The following GABRA1 variants were observed in gnomAD, a reference collection of about 807,000 sequenced individuals.
GABRA1 encodes gamma-aminobutyric acid receptor subunit alpha-1.
A neutral mutation model predicts 48.9 loss-of-function variants in GABRA1; 9 were observed. The observed-to-expected ratio is 0.18, with a 90% CI of 0.11 to 0.32. GABRA1 has a LOEUF of 0.32. GABRA1 is among the 10% of genes least tolerant of loss of function. The pLI is 1.00. For synonymous variants in GABRA1, 210 were observed against 198.7 expected, an observed-to-expected ratio of 1.06 and a Z score of -0.48; for missense variants, 285 against 553.8, an observed-to-expected ratio of 0.51 and a Z score of 4.87.
intron 9 of GABRA1, among the ~76,000 whole-genome samples, chr5:161,896,343 C>T (rs771795199): frequency 2.0e-5 from 3 of 152,142 alleles, no homozygotes; most frequent in Non-Finnish European, 4.4e-5. Context: ...TAGTTCTCTG[C>T]AAAGTCAAGG....
chr5:161,883,386 C>G (rs1754700715), intron 7 of GABRA1, among the ~76,000 whole-genome samples: 1 of 152,094 alleles, frequency 6.6e-6, no homozygotes, highest in Non-Finnish European at 1.5e-5. Context: ...AGAACTAGAC[C>G]TGACACTGTG....
Position 161,854,230 on chromosome 5 carries a change from C to A in GABRA1, c.147C>A (p.Leu49=), listed in dbSNP as rs2113307246. The change falls in exon 3 of 10, where the codon CTC becomes CTA. Residue 49 remains leucine (L), a synonymous_variant. Coordinates refer to ENST00000393943, the MANE Select transcript of GABRA1 (RefSeq NM_001127644.2). The part of the protein sequence containing the change: ...TTVFTRILDR[L]LDGYDNRLRP... ...TCTTCACCAGGATTTTGGACAGACT[C>A]CTAGATGGTTATGACAATCGCCTGA... 2 of 1,607,630 alleles carry A rather than the reference C, an allele frequency of 1.2e-6. No individual in the cohort carries two copies. The highest frequency in any genetic ancestry group is 1.7e-4 in the Middle Eastern group (1 of 6,052).
chr5:161,886,758 C>T (rs1332089088), intron 7 of GABRA1, among the ~76,000 whole-genome samples: 1 of 151,998 alleles, frequency 6.6e-6, no homozygotes, highest in Non-Finnish European at 1.5e-5. Flanking sequence ...ACCTGGGTGA[C>T]AGAGTGAGAC....
At position 161,850,864 on chromosome 5, in the gene GABRA1, G is replaced by C. The variant is rs753085546; in HGVS notation, c.54G>C (p.Leu18=). ...SDCLWAWILL[L]STLTGRSYGQ... Reference sequence around the variant, plus strand: ...GTCTTTGGGCCTGGATCCTCCTTCTGAGCACACTGACTGGAAGAAGGTGGG... The same window carrying C: ...GTCTTTGGGCCTGGATCCTCCTTCTCAGCACACTGACTGGAAGAAGGTGGG... The change falls in exon 2 of 10, where the codon CTG becomes CTC. Residue 18 remains leucine, a synonymous_variant. Transcript: ENST00000393943. 6.2e-7 allele frequency: 1 copy of C among 1,613,852 alleles called. No individual in the cohort carries two copies. Among genetic ancestry groups the C allele is most frequent in the Admixed American group, 1.7e-5 (1 of 60,012 alleles).
intron 7 of GABRA1, among the ~76,000 whole-genome samples, chr5:161,886,163 G>A (rs956367956): frequency 2.0e-5 from 3 of 152,072 alleles, no homozygotes; most frequent in African/African-American, 7.2e-5. Flanking sequence ...TTGAACCTGG[G>A]TTGTCAACCT....
In GABRA1 at chr5:161,873,108, A is replaced by T. The variant is rs1325544924; in HGVS notation, c.256-9A>T. On this transcript the variant is annotated splice_polypyrimidine_tract_variant and intron_variant, in intron 4 of 9. Transcript: ENST00000393943. Reference sequence around the variant, plus strand: ...AGTGAACTCTTCGTCATTTTCCAAAATTACCTAGGAATATACAATAGATGT... The same window carrying T: ...AGTGAACTCTTCGTCATTTTCCAAATTTACCTAGGAATATACAATAGATGT... 1 of 1,592,390 alleles carries T rather than the reference A, an allele frequency of 6.3e-7. No homozygotes were observed. The highest frequency in any genetic ancestry group is 8.6e-7 in the Non-Finnish European group (1 of 1,160,284).
chr5:161,879,728 C>T lies in GABRA1; in HGVS notation c.560-2830C>T, dbSNP rs184673036. Among the ~76,000 whole-genome samples the T allele has an allele frequency of 1.8e-3, 278 of 152,200 alleles. 1 individual carries two copies. Among genetic ancestry groups the T allele is most frequent in the African/African-American group, 6.3e-3 (261 of 41,548 alleles). The stretch of plus-strand genomic sequence containing the variant: ...AGACATGGATAATGAGTCATCTGCA[C>T]CTTCACAATGATGTCATGTTTGTAG... On this transcript the variant is annotated intron_variant, in intron 6 of 9. Transcript: ENST00000393943.
chr5:161,864,614 T>C (rs1757982923), intron 3 of GABRA1, among the ~76,000 whole-genome samples: 1 of 151,820 alleles, frequency 6.6e-6, no homozygotes, highest in South Asian at 2.1e-4. Context: ...TACCCTGGCA[T>C]ATAAATATTT....
chr5:161,854,603 C>G (rs1757576545), intron 3 of GABRA1, among the ~76,000 whole-genome samples: 1 of 151,592 alleles, frequency 6.6e-6, no homozygotes, highest in Non-Finnish European at 1.5e-5. Flanking sequence ...AGCTATCTCA[C>G]CTGGTACTGG....
intron 3 of GABRA1, among the ~76,000 whole-genome samples, chr5:161,859,940 T>A (rs922549044): frequency 6.6e-6 from 1 of 151,824 alleles, no homozygotes; most frequent in Non-Finnish European, 1.5e-5. Flanking sequence ...AATTCTACTC[T>A]GGAATCCTTC....
intron 7 of GABRA1, among the ~76,000 whole-genome samples, chr5:161,886,003 A>G (rs746883749): frequency 1.3e-5 from 2 of 152,168 alleles, no homozygotes; most frequent in African/African-American, 2.4e-5. Flanking sequence ...ATGCATTGGC[A>G]CTGTTCTATT....
At position 161,882,543 on chromosome 5, in the gene GABRA1, A is replaced by G. The variant is rs1474204266; in HGVS notation, c.560-15A>G. Reference sequence around the variant, plus strand: ...TGGTAAAATATATGGATCATTTTCTACTGTTTCCTTTTAGATGCTTATACA... The same window carrying G: ...TGGTAAAATATATGGATCATTTTCTGCTGTTTCCTTTTAGATGCTTATACA... On this transcript the variant is annotated splice_polypyrimidine_tract_variant and intron_variant, in intron 6 of 9. Coordinates refer to ENST00000393943, the MANE Select transcript of GABRA1 (RefSeq NM_001127644.2). 5 of 1,610,992 alleles carry G rather than the reference A, an allele frequency of 3.1e-6. No individual in the cohort carries two copies. The highest frequency in any genetic ancestry group is 2.7e-5 in the African/African-American group (2 of 74,818).
Position 161,865,703 on chromosome 5 carries a change from A to G in GABRA1, c.188-18A>G. 6.2e-7 allele frequency: 1 copy of G among 1,611,066 alleles called. No individual in the cohort carries two copies. Among genetic ancestry groups the G allele is most frequent in the Non-Finnish European group, 8.5e-7 (1 of 1,177,442 alleles). On this transcript the variant is annotated intron_variant, in intron 3 of 9. Transcript: ENST00000393943. ...ACGGTTGACAGACACTCACTCGCCCAATTTCCTGCTTCAACAGAGCGTGTA... is the reference window on the plus strand; with the variant it reads ...ACGGTTGACAGACACTCACTCGCCCGATTTCCTGCTTCAACAGAGCGTGTA...
rs201133616 is a variant in GABRA1 at position 161,895,775 on chromosome 5, C to G, written c.966C>G (p.Ala322=). The stretch of plus-strand genomic sequence containing the variant: ...ATTGGTTTATTGCCGTGTGCTATGC[C>G]TTTGTGTTCTCAGCTCTGATTGAGT... ...AMDWFIAVCY[A]FVFSALIEFA... is the part of the protein sequence containing the mutation. The change falls in exon 9 of 10, where the codon GCC becomes GCG. Residue 322 remains alanine, a synonymous_variant. Coordinates refer to ENST00000393943, the MANE Select transcript of GABRA1 (RefSeq NM_001127644.2). The G allele has an allele frequency of 2.5e-6, 4 of 1,613,942 alleles. No homozygotes were observed. The highest frequency in any genetic ancestry group is 3.4e-6 in the Non-Finnish European group (4 of 1,179,950).
At chr5:161,888,113 C>T (rs1346018528) in intron 7 of GABRA1, among the ~76,000 whole-genome samples, 1 of 152,102 alleles carries the variant, frequency 6.6e-6, no homozygotes, top group South Asian at 2.1e-4. Context: ...AAGCTTCCTT[C>T]AGGGTTAAAT....
intron 3 of GABRA1, among the ~76,000 whole-genome samples, chr5:161,858,577 A>G (rs1050087705): frequency 2.6e-5 from 4 of 151,740 alleles, no homozygotes; most frequent in African/African-American, 9.7e-5. Context: ...CACCAAGCTA[A>G]GGGTTTTTTC....
At position 161,899,507 on chromosome 5, in the gene GABRA1, C is replaced by T. The variant is rs978340587; in HGVS notation, c.*2085C>T. The T allele has an allele frequency of 2.6e-5, 4 of 152,208 alleles. No individual in the cohort carries two copies. The highest frequency in any genetic ancestry group is 4.4e-5 in the Non-Finnish European group (3 of 67,972). 9.4% of individuals were successfully genotyped at this position (152,208 alleles called of 1,614,324 possible). A position where few individuals can be genotyped will look rare whatever the true frequency, so the allele number is the denominator to read the frequency against. Reference sequence around the variant, plus strand: ...AGACTTCTCATGGCTAACTTTTGGTCTGTATTTTGCTCCTTAGATGTGAAT... The same window carrying T: ...AGACTTCTCATGGCTAACTTTTGGTTTGTATTTTGCTCCTTAGATGTGAAT... On this transcript the variant is annotated 3_prime_UTR_variant, in exon 10 of 10. Transcript: ENST00000393943.
intron 6 of GABRA1, among the ~76,000 whole-genome samples, chr5:161,876,419 T>G (rs1754357086): frequency 6.6e-6 from 1 of 152,108 alleles, no homozygotes; most frequent in Admixed American, 6.6e-5. Context: ...GGGAGTTATG[T>G]ACAAGGACTG....
intron 3 of GABRA1, among the ~76,000 whole-genome samples, chr5:161,857,988 TA>T (rs61313708): frequency 5.9e-4 from 84 of 141,262 alleles, no homozygotes; most frequent in African/African-American, 1.4e-3. Flanking sequence ...AGAAAAAAGT[TA>T]AAAAAAAAAG....
Sources: gnomAD v4.1 joint callset for allele counts (sites outside exome capture counted in the v4.1 genomes callset) on GRCh38, gnomAD v4.1.1 for gene constraint, MANE v1.5 for transcripts, NCBI Gene and HGNC (gene_info 2026-07-23, HGNC 2026-07-21) for gene names.